ATE1: variants seen among roughly 807,000 people sequenced by gnomAD.
The protein encoded by ATE1 is arginyltransferase 1, also known as arginyl-tRNA--protein transferase 1.
In ATE1, 36 loss-of-function variants were observed where a neutral mutation model predicts 70.5. The ratio of observed to expected loss-of-function variants is 0.51; its 90% CI spans 0.39 to 0.67. ATE1 has a LOEUF of 0.67. ATE1 is among the 30% of genes least tolerant of loss of function. The probability of loss-of-function intolerance (pLI) is 0.00; values close to 1 mark genes in which losing one functional copy is unlikely to be tolerated. For missense variants in ATE1, 593 were observed against 629.5 expected, an observed-to-expected ratio of 0.94 and a Z score of 0.62; for synonymous variants, 232 against 219.3, an observed-to-expected ratio of 1.06 and a Z score of -0.51.
chr10:121,885,191 G>A lies in ATE1; in HGVS notation c.942+14675C>T, dbSNP rs1352011053. On this transcript the variant is annotated intron_variant, in intron 7 of 11. Coordinates refer to ENST00000224652, the MANE Select transcript of ATE1 (RefSeq NM_001001976.3). Reference sequence around the variant, plus strand: ...CACAAGAATTGCTTGAACCTGGGAGGTGGAGGTTGCCGTGAGCCAAGATCA... The same window carrying A: ...CACAAGAATTGCTTGAACCTGGGAGATGGAGGTTGCCGTGAGCCAAGATCA... Among the ~76,000 whole-genome samples the A allele has an allele frequency of 2.7e-5, 4 of 150,408 alleles. No individual in the cohort carries two copies. The East Asian group carries it at 5.9e-4, about 22-fold the overall frequency.
intron 10 of ATE1, among the ~76,000 whole-genome samples, chr10:121,790,775 T>C (rs1946400121): frequency 6.6e-6 from 1 of 152,160 alleles, no homozygotes; most frequent in African/African-American, 2.4e-5. Context: ...TCTTCTCTAA[T>C]GTAGTAGAAA....
At chr10:121,841,384 T>A in intron 8 of ATE1, 121 bp from the exon 9 acceptor site, 1 of 649,002 alleles carries the variant, frequency 1.5e-6, no homozygotes, top group Non-Finnish European at 2.2e-6. Context: ...GTTTCCATCA[T>A]CATCCCTAGT....
At chr10:121,928,223 A>T (rs1173174665), upstream of ATE1, 1 of 1,334,594 alleles carries the variant, frequency 7.5e-7, no homozygotes, top group Admixed American at 3.7e-5. Context: ...GGGAAGGGAA[A>T]CAGGATGGGG....
intron 10 of ATE1, among the ~76,000 whole-genome samples, chr10:121,813,886 CTCTA>C (rs1240256762): frequency 6.6e-6 from 1 of 152,200 alleles, no homozygotes; most frequent in Admixed American, 6.5e-5. Flanking sequence ...AACCCAGGGA[CTCTA>C]TCTTTGACAT....
intron 11 of ATE1, among the ~76,000 whole-genome samples, chr10:121,769,653 C>T (rs4751854): frequency 0.82 from 125,441 of 152,134 alleles, 52,074 homozygotes; most frequent in Non-Finnish European, 0.88. Flanking sequence ...TATAACAATT[C>T]GCAAAACTCA....
Position 121,802,519 on chromosome 10 carries a change from G to A in ATE1, c.1258-12230C>T, listed in dbSNP as rs183817406. 2.0e-3 allele frequency among the ~76,000 whole-genome samples: 311 copies of A among 152,052 alleles called. 6 individuals are homozygous for A. The highest frequency in any genetic ancestry group is 2.9e-4 in the Non-Finnish European group (20 of 67,998). ...AGACAGGGTTTCACCATGTTGACCA[G>A]GCTACTCTCGAACTCAAGACCTGAG... On this transcript the variant is annotated intron_variant, in intron 10 of 11. Coordinates refer to ENST00000224652, the MANE Select transcript of ATE1 (RefSeq NM_001001976.3).
chr10:121,821,973 T>G (rs1053597844), intron 10 of ATE1, among the ~76,000 whole-genome samples: 15 of 152,184 alleles, frequency 9.9e-5, no homozygotes, highest in African/African-American at 3.6e-4. Context: ...ACAACCACTT[T>G]TTTAAAAATT....
intron 7 of ATE1, among the ~76,000 whole-genome samples, chr10:121,887,135 CAG>C (rs1378585878): frequency 1.3e-5 from 2 of 152,044 alleles, no homozygotes; most frequent in African/African-American, 4.8e-5. Flanking sequence ...ACACAACTTG[CAG>C]AGAGCAAGCT....
chr10:121,807,598 G>A (rs1424441001), intron 10 of ATE1, among the ~76,000 whole-genome samples: 2 of 152,158 alleles, frequency 1.3e-5, no homozygotes, highest in Non-Finnish European at 2.9e-5. Flanking sequence ...TGATGACACT[G>A]ACTTAGACTA....
chr10:121,877,537 T>C (rs993894160), intron 7 of ATE1, among the ~76,000 whole-genome samples: 6 of 152,064 alleles, frequency 3.9e-5, no homozygotes, highest in African/African-American at 1.4e-4. Context: ...TATCAGAGAA[T>C]ATAGAGAACT....
At chr10:121,923,573 A>G (rs1951966446) in intron 2 of ATE1, among the ~76,000 whole-genome samples, 2 of 152,228 alleles carry the variant, frequency 1.3e-5, no homozygotes. Context: ...AAGTTTAAGG[A>G]AAGTTGTGAT....
At chr10:121,883,200 CCTT>C (rs1950278614) in intron 7 of ATE1, among the ~76,000 whole-genome samples, 2 of 152,090 alleles carry the variant, frequency 1.3e-5, no homozygotes, top group Non-Finnish European at 2.9e-5. Context: ...CCCCTGCTAA[CCTT>C]CTGTATAATT....
Position 121,859,283 on chromosome 10 carries a change from GTC to G in ATE1, c.975+10721_975+10722del, listed in dbSNP as rs1249734113. 9.6e-4 allele frequency among the ~76,000 whole-genome samples: 142 copies of G among 147,566 alleles called. 2 individuals are homozygous for G. The highest frequency in any genetic ancestry group is 2.5e-4 in the Non-Finnish European group (17 of 67,314). Reference sequence around the variant, plus strand: ...TTATTTTTTTTTTTTTTGAGACGGAGTCTCAGTCTGTCGCCCAGGCTGGAGTG... The same window carrying G: ...TTATTTTTTTTTTTTTTGAGACGGAGTCAGTCTGTCGCCCAGGCTGGAGTG... On this transcript the variant is annotated intron_variant, in intron 8 of 11. Coordinates refer to ENST00000224652, the MANE Select transcript of ATE1 (RefSeq NM_001001976.3).
At position 121,758,538 on chromosome 10, in the gene ATE1, T is replaced by A. The variant is rs1047806407; in HGVS notation, c.1379-14680A>T. Among the ~76,000 whole-genome samples, 3 of 152,346 alleles carry A rather than the reference T, an allele frequency of 2.0e-5. No individual in the cohort carries two copies. In the South Asian group the frequency reaches 6.2e-4, roughly 32 times the overall value. ...GGGGCAAATACAAATTCACTTTCCT[T>A]ACAATAGTATTGGCTTTCTGTGGAG... is the stretch of plus-strand genomic sequence containing the variant. On this transcript the variant is annotated intron_variant, in intron 11 of 11. Transcript: ENST00000224652.
intron 5 of ATE1, among the ~76,000 whole-genome samples, chr10:121,909,401 A>T (rs1464051763): frequency 6.6e-6 from 1 of 152,222 alleles, no homozygotes; most frequent in Non-Finnish European, 1.5e-5. Flanking sequence ...GGCATTAAGA[A>T]ATTTTCTTCA....
chr10:121,790,919 C>A, intron 10 of ATE1, among the ~76,000 whole-genome samples: 1 of 150,302 alleles, frequency 6.7e-6, no homozygotes, highest in Non-Finnish European at 1.5e-5. Flanking sequence ...ACTTAAAATT[C>A]CATTTAAAAA....
chr10:121,810,099 C>T (rs1273643643), intron 10 of ATE1, among the ~76,000 whole-genome samples: 3 of 152,036 alleles, frequency 2.0e-5, no homozygotes, highest in Non-Finnish European at 4.4e-5. Context: ...ATGTATGGCC[C>T]GTATTTTGGA....
chr10:121,812,094 T>C (rs971917776), intron 10 of ATE1, among the ~76,000 whole-genome samples: 16 of 151,490 alleles, frequency 1.1e-4, no homozygotes, highest in Non-Finnish European at 1.8e-4. Flanking sequence ...TAGCTGGGAC[T>C]ACAGGCATGA....
At chr10:121,905,727 C>T (rs1951163540) in intron 5 of ATE1, among the ~76,000 whole-genome samples, 1 of 152,104 alleles carries the variant, frequency 6.6e-6, no homozygotes, top group South Asian at 2.1e-4. Context: ...CACCTGTAGT[C>T]CCAGCTACTT....
Sources: gnomAD v4.1 joint callset for allele counts (sites outside exome capture counted in the v4.1 genomes callset) on GRCh38, gnomAD v4.1.1 for gene constraint, MANE v1.5 for transcripts, NCBI Gene and HGNC (gene_info 2026-07-23, HGNC 2026-07-21) for gene names.